The following R3HDM1 variants were observed in gnomAD, a reference collection of about 807,000 sequenced individuals.
R3HDM1 encodes the protein R3H domain containing 1.
In R3HDM1, 46 loss-of-function variants were observed where a neutral mutation model predicts 141.1. The observed-to-expected ratio is 0.33, with a 90% confidence interval of 0.26 to 0.42. The LOEUF is 0.42. Ranked by LOEUF, R3HDM1 falls within the 10% of genes least tolerant of loss-of-function variation. The probability of loss-of-function intolerance (pLI) is 1.00; values close to 1 mark genes in which losing one functional copy is unlikely to be tolerated. For synonymous variants in R3HDM1, 435 were observed against 472.9 expected, an observed-to-expected ratio of 0.92 and a Z score of 1.04; for missense variants, 1,184 against 1,368.3, an observed-to-expected ratio of 0.87 and a Z score of 2.12.
At position 135,616,466 on chromosome 2, in the gene R3HDM1, A is replaced by G. The variant is rs146112111; in HGVS notation, c.214-202A>G. Among the ~76,000 whole-genome samples the G allele has an allele frequency of 3.2e-4, 49 of 152,308 alleles. 1 individual carries two copies. Among genetic ancestry groups the G allele is most frequent in the South Asian group, 6.2e-4 (3 of 4,830 alleles). Reference sequence around the variant, plus strand: ...AATTATTCCCATTCTTTCTATTGCTATAATTTTCAAAACTGCAAATGTTTG... The same window carrying G: ...AATTATTCCCATTCTTTCTATTGCTGTAATTTTCAAAACTGCAAATGTTTG... On this transcript the variant is annotated intron_variant, in intron 4 of 26. Coordinates refer to ENST00000683871, the MANE Select transcript of R3HDM1 (RefSeq NM_001378107.1).
intron 1 of R3HDM1, among the ~76,000 whole-genome samples, chr2:135,569,197 A>G (rs1259505522): frequency 1.3e-5 from 2 of 152,058 alleles, no homozygotes; most frequent in Non-Finnish European, 2.9e-5. Context: ...TTAATTTCGC[A>G]ATTACTGCCA....
chr2:135,619,287 T>C (rs570397537), intron 5 of R3HDM1, among the ~76,000 whole-genome samples: 1 of 152,330 alleles, frequency 6.6e-6, no homozygotes, highest in East Asian at 1.9e-4. Context: ...TTTTTTGTAG[T>C]GCATTTTACC....
chr2:135,608,026 A>T lies in R3HDM1; in HGVS notation c.171+3010A>T, dbSNP rs193197789. On this transcript the variant is annotated intron_variant, in intron 3 of 26. Transcript: ENST00000683871. ...TTATTGAAGTATTTATTAATAATTT[A>T]CTATATGGGCCGGGCGCAGTGGCTC... 6.8e-4 allele frequency: 656 copies of T among 959,638 alleles called. 16 individuals carry two copies. The Admixed American group carries it at 0.035, about 51-fold the overall frequency. 59.4% of individuals were successfully genotyped at this position (959,638 alleles called of 1,614,324 possible).
chr2:135,612,678 T>C (rs962880105), intron 3 of R3HDM1, among the ~76,000 whole-genome samples: 3 of 152,220 alleles, frequency 2.0e-5, no homozygotes, highest in African/African-American at 7.2e-5. Flanking sequence ...AATTCTAATA[T>C]AAATAGCATT....
intron 18 of R3HDM1, among the ~76,000 whole-genome samples, chr2:135,660,627 G>T (rs1177951696): frequency 6.6e-6 from 1 of 151,990 alleles, no homozygotes; most frequent in Non-Finnish European, 1.5e-5. Flanking sequence ...GGGCGGATCA[G>T]TTGAGGTCAG....
intron 5 of R3HDM1, among the ~76,000 whole-genome samples, chr2:135,620,881 C>T (rs970095957): frequency 6.6e-6 from 1 of 152,102 alleles, no homozygotes; most frequent in Non-Finnish European, 1.5e-5. Flanking sequence ...TTAAACATTA[C>T]GTATCTGTAA....
At chr2:135,640,098 C>CA (rs909774063) in intron 14 of R3HDM1, among the ~76,000 whole-genome samples, 330 of 69,498 alleles carry the variant, frequency 4.7e-3, no homozygotes, top group Middle Eastern at 0.011. Context: ...GACTCCGTCT[C>CA]AAAAAAAAAA....
chr2:135,693,374 CAA>C (rs1490874719), intron 21 of R3HDM1, among the ~76,000 whole-genome samples: 1 of 150,908 alleles, frequency 6.6e-6, no homozygotes, highest in African/African-American at 2.4e-5. Context: ...AAAAAAAAGA[CAA>C]AGAGGCAGTG....
intron 1 of R3HDM1, among the ~76,000 whole-genome samples, chr2:135,578,807 A>G (rs1469835376): frequency 3.3e-5 from 5 of 152,248 alleles, no homozygotes; most frequent in Non-Finnish European, 7.3e-5. Flanking sequence ...ATAAGTGAAT[A>G]TATTGTAGAT....
At chr2:135,596,961 T>C in intron 1 of R3HDM1, 1 of 928,714 alleles carries the variant, frequency 1.1e-6, no homozygotes, top group Non-Finnish European at 1.3e-6. Flanking sequence ...TAAAATTCAT[T>C]TGATAGCACA....
At chr2:135,610,975 CG>C (rs1438834624) in intron 3 of R3HDM1, among the ~76,000 whole-genome samples, 2 of 151,768 alleles carry the variant, frequency 1.3e-5, no homozygotes, top group Non-Finnish European at 2.9e-5. Flanking sequence ...TCATGCGTCA[CG>C]GTACATACCT....
chr2:135,678,439 A>G (rs559585047), intron 20 of R3HDM1, among the ~76,000 whole-genome samples: 85 of 152,126 alleles, frequency 5.6e-4, no homozygotes, highest in African/African-American at 1.9e-3. Context: ...TTACCCATCT[A>G]TAAAATAGAT....
intron 6 of R3HDM1, 29 bp downstream of exon 6, chr2:135,621,637 A>ATTT (rs2061520015): frequency 6.6e-7 from 1 of 1,516,496 alleles, no homozygotes; most frequent in African/African-American, 1.4e-5. Context: ...TTTTTTTAAA[A>ATTT]AAAAATTTTG....
intron 23 of R3HDM1, among the ~76,000 whole-genome samples, chr2:135,711,623 G>A (rs2105442560): frequency 6.8e-6 from 1 of 146,886 alleles, no homozygotes; most frequent in South Asian, 2.1e-4. Flanking sequence ...TCATGCCACT[G>A]CGCTGCCCCC....
chr2:135,629,925 T>C (rs2062465204), intron 7 of R3HDM1, among the ~76,000 whole-genome samples: 1 of 152,012 alleles, frequency 6.6e-6, no homozygotes, highest in Non-Finnish European at 1.5e-5. Context: ...GACAATATAC[T>C]CCTGCTGTAG....
chr2:135,534,664 A>G (rs560185839), intron 1 of R3HDM1, among the ~76,000 whole-genome samples: 1 of 152,356 alleles, frequency 6.6e-6, no homozygotes, highest in South Asian at 2.1e-4. Context: ...TGAGGTATAT[A>G]TATGGTGGGC....
intron 1 of R3HDM1, chr2:135,558,951 T>C (rs1422471887): frequency 2.2e-6 from 2 of 916,446 alleles, no homozygotes; most frequent in East Asian, 1.2e-4. Context: ...ATTTAAAAAG[T>C]TTAAAGGGTT....
chr2:135,632,300 G>A (rs1275057503), intron 9 of R3HDM1, among the ~76,000 whole-genome samples: 1 of 146,778 alleles, frequency 6.8e-6, no homozygotes, highest in African/African-American at 2.5e-5. Flanking sequence ...AATTAATTTA[G>A]ACAGCTGTAG....
intron 1 of R3HDM1, among the ~76,000 whole-genome samples, chr2:135,578,999 A>G (rs965301490): frequency 6.6e-6 from 1 of 152,190 alleles, no homozygotes; most frequent in Non-Finnish European, 1.5e-5. Flanking sequence ...GAATATGTGT[A>G]TACTGTACAT....
Sources: gnomAD v4.1 joint callset for allele counts (sites outside exome capture counted in the v4.1 genomes callset) on GRCh38, gnomAD v4.1.1 for gene constraint, MANE v1.5 for transcripts, NCBI Gene and HGNC (gene_info 2026-07-23, HGNC 2026-07-21) for gene names.